ATAD2: variants seen among roughly 807,000 people sequenced by gnomAD.
ATAD2 encodes ATPase family AAA domain containing 2, also known as ATPase family AAA domain-containing protein 2.
In ATAD2, 62 loss-of-function variants were observed where a neutral mutation model predicts 168.9. That is an observed-to-expected ratio of 0.37 (90% confidence interval 0.30 to 0.45). The LOEUF (loss-of-function observed/expected upper bound fraction) is 0.45, where lower values mean the gene tolerates loss of function less well. ATAD2 is among the 20% of genes least tolerant of loss of function. The probability of loss-of-function intolerance (pLI) is 1.00; values close to 1 mark genes in which losing one functional copy is unlikely to be tolerated. For synonymous variants in ATAD2, 613 were observed against 571.6 expected, an observed-to-expected ratio of 1.07 and a Z score of -1.03; for missense variants, 1,419 against 1,667.8, an observed-to-expected ratio of 0.85 and a Z score of 2.60.
chr8:123,348,684 C>T, intron 14 of ATAD2, among the ~76,000 whole-genome samples: 1 of 152,038 alleles, frequency 6.6e-6, no homozygotes, highest in East Asian at 1.9e-4. Flanking sequence ...CATAAACAAC[C>T]AACCAAAAAA....
At chr8:123,376,562 T>C (rs552947095) in intron 2 of ATAD2, among the ~76,000 whole-genome samples, 1 of 150,156 alleles carries the variant, frequency 6.7e-6, no homozygotes, top group African/African-American at 2.4e-5. Flanking sequence ...TCAAAAAAAA[T>C]ACACACACAC....
intron 10 of ATAD2, 38 bp downstream of exon 10, chr8:123,359,539 T>C (rs1388141715): frequency 6.5e-7 from 1 of 1,527,492 alleles, no homozygotes; most frequent in Non-Finnish European, 9.0e-7. Context: ...ACAAAGCACA[T>C]TATAGTTCAA....
chr8:123,389,960 T>TTTTA lies in ATAD2; in HGVS notation c.171+6226_171+6227insTAAA, dbSNP rs1392406832. Among the ~76,000 whole-genome samples, 487 of 94,016 alleles carry TTTTA rather than the reference T, an allele frequency of 5.2e-3. 1 individual carries two copies. The highest frequency in any genetic ancestry group is 0.017 in the African/African-American group (466 of 27,210). The allele number at this position is 94,016 out of a possible 152,430, so 61.7% of individuals were successfully genotyped here. A position where few individuals can be genotyped will look rare whatever the true frequency, so the allele number is the denominator to read the frequency against. Reference sequence around the variant, plus strand: ...ATAAGTGGTAGCTATTACTATTATTTTATATATATATATATATATATATAT... The same window carrying TTTTA: ...ATAAGTGGTAGCTATTACTATTATTTTTTATATATATATATATATATATATATAT... On this transcript the variant is annotated intron_variant, in intron 1 of 27. Coordinates refer to ENST00000287394, the MANE Select transcript of ATAD2 (RefSeq NM_014109.4).
intron 19 of ATAD2, among the ~76,000 whole-genome samples, chr8:123,342,082 G>A (rs886969378): frequency 6.6e-6 from 1 of 152,062 alleles, no homozygotes; most frequent in Non-Finnish European, 1.5e-5. Context: ...GTGCGACTCC[G>A]TCTCCAAAAA....
Position 123,346,601 on chromosome 8 carries a change from T to C in ATAD2, c.2345+17A>G. On this transcript the variant is annotated intron_variant, in intron 17 of 27. Coordinates refer to ENST00000287394, the MANE Select transcript of ATAD2 (RefSeq NM_014109.4). Reference sequence around the variant, plus strand: ...ATTTACACATGCAAAAAACATTGATTTGCAAGAAAAATATACCTATTCAAA... The same window carrying C: ...ATTTACACATGCAAAAAACATTGATCTGCAAGAAAAATATACCTATTCAAA... 6.6e-7 allele frequency: 1 copy of C among 1,520,488 alleles called. No individual in the cohort carries two copies. Among genetic ancestry groups the C allele is most frequent in the Non-Finnish European group, 8.9e-7 (1 of 1,129,496 alleles). 94.2% of individuals were successfully genotyped at this position (1,520,488 alleles called of 1,614,324 possible). A position where few individuals can be genotyped will look rare whatever the true frequency, so the allele number is the denominator to read the frequency against.
At position 123,409,941 on chromosome 8, in the gene ATAD2, A is replaced by G. The variant is rs563357192; in HGVS notation, c.-2282+6307T>C. Reference sequence around the variant, plus strand: ...TGACAAGAGTGAGACTCCATCTCGGAAAAAAAAAAAAAAAAAGCATTAAAA... The same window carrying G: ...TGACAAGAGTGAGACTCCATCTCGGGAAAAAAAAAAAAAAAAGCATTAAAA... On this transcript the variant is annotated intron_variant, in intron 1 of 28. Coordinates refer to the ATAD2 transcript ENST00000521903. Among the ~76,000 whole-genome samples, 120 of 18,084 alleles carry G rather than the reference A, an allele frequency of 6.6e-3. No individual in the cohort carries two copies. In the South Asian group the frequency reaches 0.22, roughly 32 times the overall value. The allele number at this position is 18,084 out of a possible 152,430, so 11.9% of individuals were successfully genotyped here. A position where few individuals can be genotyped will look rare whatever the true frequency, so the allele number is the denominator to read the frequency against.
In ATAD2 at chr8:123,323,181, T is replaced by A; in HGVS notation, c.4003-115A>T. The A allele has an allele frequency of 3.6e-6, 4 of 1,121,764 alleles. No homozygotes were observed. In the South Asian group the frequency reaches 7.0e-5, roughly 20 times the overall value. The allele number at this position is 1,121,764 out of a possible 1,614,324, so 69.5% of individuals were successfully genotyped here. On this transcript the variant is annotated intron_variant, in intron 26 of 27. Transcript: ENST00000287394. ...GCCTGACAGAGGGTAGACCAAGCCATCTGATGACACAGGGCAGCCTCTGGC... is the reference window on the plus strand; with the variant it reads ...GCCTGACAGAGGGTAGACCAAGCCAACTGATGACACAGGGCAGCCTCTGGC...
intron 2 of ATAD2, among the ~76,000 whole-genome samples, chr8:123,376,434 T>C (rs1213051294): frequency 6.6e-6 from 1 of 150,500 alleles, no homozygotes; most frequent in Non-Finnish European, 1.5e-5. Context: ...TGGTGGCACA[T>C]GACTGTAATC....
intron 27 of ATAD2, 29 bp downstream of exon 27, chr8:123,322,909 T>A (rs1399599715): frequency 6.2e-7 from 1 of 1,603,600 alleles, no homozygotes; most frequent in Non-Finnish European, 8.5e-7. Context: ...ACAAGAGCAT[T>A]TGTAAAAAGT....
At chr8:123,400,893 G>C, upstream of ATAD2, 1 of 1,430,120 alleles carries the variant, frequency 7.0e-7, no homozygotes, top group East Asian at 2.3e-5. The surrounding 1 kb of genome is among the most constrained non-coding windows in gnomAD (Gnocchi z 4.5). Flanking sequence ...AGGTGCGGAA[G>C]GTCAAGAAGT....
At chr8:123,326,053 A>C (rs1827607400) in intron 25 of ATAD2, 27 bp from the exon 26 acceptor site, 4 of 1,609,882 alleles carry the variant, frequency 2.5e-6, no homozygotes, top group Non-Finnish European at 3.4e-6. Flanking sequence ...AATGATTATT[A>C]TTTGGTCCAT....
At chr8:123,401,528 C>A in intron 1 of ATAD2, 1 of 1,561,084 alleles carries the variant, frequency 6.4e-7, no homozygotes. Flanking sequence ...CTGGTGTGGA[C>A]GGGCTGTGTG....
chr8:123,343,265 C>T (rs896855163), intron 19 of ATAD2, among the ~76,000 whole-genome samples: 2 of 152,080 alleles, frequency 1.3e-5, no homozygotes, highest in African/African-American at 2.4e-5. Context: ...CGTGAACCAC[C>T]GCATCCGGCC....
At position 123,380,553 on chromosome 8, in the gene ATAD2, A is replaced by G. The variant is rs764483307; in HGVS notation, c.296T>C (p.Leu99Pro). Residue 99 changes from leucine (L) to proline (P), a missense_variant, in exon 2 of 28, where the codon CTT (leucine) becomes CCT (proline). Physicochemically the swap from Leu to Pro is moderately conservative, Grantham distance 98. Around this residue, in one of 5 missense-constraint regions of ATAD2, gnomAD observed 419 missense variants for 423.5 expected, o/e 0.99. Coordinates refer to ENST00000287394, the MANE Select transcript of ATAD2 (RefSeq NM_014109.4). ...CCTTGTAAAATGCCTGCCATTAGCA[A>G]GTTGCTCCGTTATTTCCACATTCTT... The part of the protein sequence containing the change: ...FEKNVEITEQ[L>P]ANGRHFTRQL... 1.2e-6 allele frequency: 2 copies of G among 1,614,052 alleles called. No individual in the cohort carries two copies. Among genetic ancestry groups the G allele is most frequent in the Non-Finnish European group, 1.7e-6 (2 of 1,179,978 alleles).
intron 13 of ATAD2, among the ~76,000 whole-genome samples, chr8:123,350,441 T>C (rs1048081545): frequency 3.9e-5 from 6 of 152,214 alleles, no homozygotes; most frequent in Non-Finnish European, 8.8e-5. Context: ...ATACCCAATT[T>C]TTCCTGATTG....
rs189318919 is a variant in ATAD2, at chr8:123,336,621, G to A, written c.3052-89C>T. ...TCGATGCCAGGCAATATAGGAGATAGAGAATAAATACGTAAGAGATTATGA... is the reference window on the plus strand; with the variant it reads ...TCGATGCCAGGCAATATAGGAGATAAAGAATAAATACGTAAGAGATTATGA... On this transcript the variant is annotated intron_variant, in intron 21 of 27. Coordinates refer to ENST00000287394, the MANE Select transcript of ATAD2 (RefSeq NM_014109.4). 5.2e-6 allele frequency: 5 copies of A among 955,610 alleles called. No individual in the cohort carries two copies. The Admixed American group carries it at 1.5e-4, about 29-fold the overall frequency. The allele number at this position is 955,610 out of a possible 1,614,324, so 59.2% of individuals were successfully genotyped here.
chr8:123,369,746 GAAT>G, intron 7 of ATAD2, 72 bp downstream of exon 7: 2 of 1,279,620 alleles, frequency 1.6e-6, no homozygotes, highest in Non-Finnish European at 2.2e-6. Context: ...AAAAAGACAA[GAAT>G]AACAGAGAAG....
chr8:123,356,437 A>G lies in ATAD2; in HGVS notation c.1598T>C (p.Ile533Thr). The change falls in exon 13 of 28, where the codon ATT becomes ACT. Residue 533 changes from isoleucine to threonine, a missense_variant. Ile to Thr is a moderately conservative substitution (Grantham distance 89). This residue lies in a region of ATAD2 where 545 missense variants were observed against 724.9 expected (regional missense o/e 0.75). Transcript: ENST00000287394. ...MRPSIIFFDE[I>T]DGLAPVRSSR... is the part of the protein sequence containing the mutation. ...TGACCGTACTGGAGCCAGACCATCA[A>G]TTTCGTCAAAAAAAATAATTGATGG... The G allele has an allele frequency of 6.2e-7, 1 of 1,612,378 alleles. No homozygotes were observed. Among genetic ancestry groups the G allele is most frequent in the Non-Finnish European group, 8.5e-7 (1 of 1,179,024 alleles).
chr8:123,343,119 G>A (rs1199024502), intron 19 of ATAD2, among the ~76,000 whole-genome samples: 1 of 151,910 alleles, frequency 6.6e-6, no homozygotes, highest in Admixed American at 6.6e-5. Flanking sequence ...CGAGTAACTG[G>A]GATTACGGGC....
Sources: gnomAD v4.1 joint callset for allele counts (sites outside exome capture counted in the v4.1 genomes callset) on GRCh38, gnomAD v4.1.1 for gene constraint, gnomAD v4.1.1 regional missense constraint, Gnocchi (gnomAD v3.1) non-coding constraint, MANE v1.5 for transcripts, NCBI Gene and HGNC (gene_info 2026-07-23, HGNC 2026-07-21) for gene names.